The following RNF220 variants were observed in gnomAD, a reference collection of about 807,000 sequenced individuals.
The protein encoded by RNF220 is E3 ubiquitin-protein ligase RNF220.
A neutral mutation model predicts 67.1 loss-of-function variants in RNF220; 7 were observed. That is an observed-to-expected ratio of 0.10 (90% CI 0.06 to 0.20). RNF220 has a LOEUF of 0.20. RNF220 is among the 10% of genes least tolerant of loss of function. The pLI, the probability that RNF220 is intolerant of heterozygous loss-of-function variation, is 1.00. For synonymous variants in RNF220, 270 were observed against 283.2 expected, an observed-to-expected ratio of 0.95 and a Z score of 0.47; for missense variants, 565 against 740.3, an observed-to-expected ratio of 0.76 and a Z score of 2.75.
chr1:44,632,363 C>T lies in RNF220; in HGVS notation c.927C>T (p.Ala309=), dbSNP rs1162396458. The T allele has an allele frequency of 6.2e-7, 1 of 1,613,848 alleles. No homozygotes were observed. The highest frequency in any genetic ancestry group is 8.5e-7 in the Non-Finnish European group (1 of 1,180,008). The stretch of plus-strand genomic sequence containing the variant: ...CCCAGACCTTTCTGCGAGTACGAGC[C>T]AACCGGCAGACCCGACTGAATGGTG... ...DRYQTFLRVR[A]NRQTRLNARI... Residue 309 remains alanine, a synonymous_variant, in exon 6 of 15, where the codon GCC becomes GCT. Transcript: ENST00000361799.
chr1:44,622,609 G>C lies in RNF220; in HGVS notation c.759-133G>C. ...GGGCCACTGGGATTGAAAGGACTGG[G>C]TGGAGCTTGGCTGAGCTGGGCTGGG... On this transcript the variant is annotated intron_variant, in intron 3 of 14. Transcript: ENST00000361799. This position sits in a 1 kb window ranked among gnomAD's most constrained non-coding sequence, Gnocchi z 4.3. 2.7e-6 allele frequency: 2 copies of C among 727,362 alleles called. No homozygotes were observed. Among genetic ancestry groups the C allele is most frequent in the East Asian group, 5.2e-5 (2 of 38,246 alleles). The allele number at this position is 727,362 out of a possible 1,614,324, so 45.1% of individuals were successfully genotyped here.
Position 44,520,128 on chromosome 1 carries a change from T to TGTGTGTGTGTGTGTGTGA in RNF220, c.626-94036_626-94035insTGTGTGTGTGTGTGTGAG, listed in dbSNP as rs796131470. ...GTGTGTGTGTGTGTGTGTGTGTGTG[T>TGTGTGTGTGTGTGTGTGA]GAGAGAGAGAGAGAGAGAAAGAGAG... is the stretch of plus-strand genomic sequence containing the variant. On this transcript the variant is annotated intron_variant, in intron 2 of 14. Coordinates refer to ENST00000361799, the MANE Select transcript of RNF220 (RefSeq NM_018150.4). Among the ~76,000 whole-genome samples, 7 of 113,372 alleles carry TGTGTGTGTGTGTGTGTGA rather than the reference T, an allele frequency of 6.2e-5. 1 individual carries two copies. The highest frequency in any genetic ancestry group is 1.1e-4 in the Non-Finnish European group (6 of 54,822). 74.4% of individuals were successfully genotyped at this position (113,372 alleles called of 152,430 possible). A position where few individuals can be genotyped will look rare whatever the true frequency, so the allele number is the denominator to read the frequency against.
chr1:44,413,994 G>A (rs181240076), intron 2 of RNF220, among the ~76,000 whole-genome samples: 14 of 152,282 alleles, frequency 9.2e-5, no homozygotes, highest in African/African-American at 2.6e-4. Context: ...TAAATCCATC[G>A]CTCTTTGGTT....
chr1:44,439,410 C>G (rs1221712715), intron 2 of RNF220, among the ~76,000 whole-genome samples: 3 of 151,616 alleles, frequency 2.0e-5, no homozygotes, highest in Non-Finnish European at 2.9e-5. Flanking sequence ...TTTAAGAGCT[C>G]TTTTTAATAG....
chr1:44,581,816 C>T (rs1425310916), intron 2 of RNF220, among the ~76,000 whole-genome samples: 1 of 152,182 alleles, frequency 6.6e-6, no homozygotes, highest in Non-Finnish European at 1.5e-5. Context: ...AGGACCCAAG[C>T]CTGCTCTTCT....
rs1463917357 is a variant in RNF220 at position 44,417,638 on chromosome 1, G to A, written c.625+4916G>A. 2.0e-5 allele frequency among the ~76,000 whole-genome samples: 3 copies of A among 152,112 alleles called. No homozygotes were observed. Among genetic ancestry groups the A allele is most frequent in the Non-Finnish European group, 2.9e-5 (2 of 68,012 alleles). ...CAGCCGTCCTCCCTCCTCGCCCCGC[G>A]CCCTCCCTCCCATCAATTGTCATGC... On this transcript the variant is annotated intron_variant, in intron 2 of 14. Coordinates refer to ENST00000361799, the MANE Select transcript of RNF220 (RefSeq NM_018150.4). This position sits in a 1 kb window ranked among gnomAD's most constrained non-coding sequence, Gnocchi z 4.0.
intron 2 of RNF220, among the ~76,000 whole-genome samples, chr1:44,602,030 A>C (rs1457202643): frequency 6.6e-6 from 1 of 152,138 alleles, no homozygotes; most frequent in Non-Finnish European, 1.5e-5. Flanking sequence ...AGTTGGGAGA[A>C]GGGAAGAGGG....
At chr1:44,559,483 A>C (rs1389287727) in intron 2 of RNF220, among the ~76,000 whole-genome samples, 1 of 152,264 alleles carries the variant, frequency 6.6e-6, no homozygotes, top group Non-Finnish European at 1.5e-5. Flanking sequence ...CGGCTTATTG[A>C]AATGTTCATT....
intron 2 of RNF220, among the ~76,000 whole-genome samples, chr1:44,558,758 A>G (rs1159847507): frequency 6.6e-6 from 1 of 152,176 alleles, no homozygotes; most frequent in Non-Finnish European, 1.5e-5. Context: ...ACCACCTTAC[A>G]TGATCTCAAC....
At chr1:44,520,676 T>C (rs1464099165) in intron 2 of RNF220, among the ~76,000 whole-genome samples, 1 of 152,204 alleles carries the variant, frequency 6.6e-6, no homozygotes, top group Non-Finnish European at 1.5e-5. Flanking sequence ...ACAGTTTCAT[T>C]CTCTAGGCTG....
intron 2 of RNF220, among the ~76,000 whole-genome samples, chr1:44,579,323 G>A (rs1211856826): frequency 6.6e-6 from 1 of 152,198 alleles, no homozygotes; most frequent in Non-Finnish European, 1.5e-5. Flanking sequence ...CTCAGACCCA[G>A]ACTACCGAGG....
chr1:44,598,650 C>G (rs1457750694), intron 2 of RNF220, among the ~76,000 whole-genome samples: 1 of 141,704 alleles, frequency 7.1e-6, no homozygotes, highest in East Asian at 2.8e-4. Context: ...TCTAGGAGCA[C>G]GTGACTGGCC....
intron 2 of RNF220, among the ~76,000 whole-genome samples, chr1:44,584,084 A>G (rs1368948285): frequency 6.6e-6 from 1 of 152,222 alleles, no homozygotes; most frequent in Non-Finnish European, 1.5e-5. Flanking sequence ...AGAGGCTCAG[A>G]GAGGTTAAAT....
At chr1:44,587,092 T>C (rs74226364) in intron 2 of RNF220, among the ~76,000 whole-genome samples, 4 of 148,204 alleles carry the variant, frequency 2.7e-5, no homozygotes, top group African/African-American at 1.0e-4. Context: ...CTGTTTTTTT[T>C]AAAGTTGGTG....
intron 2 of RNF220, among the ~76,000 whole-genome samples, chr1:44,503,003 A>G (rs538589665): frequency 1.4e-3 from 218 of 152,096 alleles, no homozygotes; most frequent in African/African-American, 5.1e-3. Flanking sequence ...TTAAGATTTC[A>G]TTGATATTTT....
At chr1:44,558,982 T>G (rs753684345) in intron 2 of RNF220, among the ~76,000 whole-genome samples, 6 of 152,216 alleles carry the variant, frequency 3.9e-5, no homozygotes, top group Non-Finnish European at 7.4e-5. Flanking sequence ...AGGCAATTGT[T>G]TGTGTAATGT....
At chr1:44,429,170 TA>T (rs34890233) in intron 2 of RNF220, among the ~76,000 whole-genome samples, 44,241 of 150,184 alleles carry the variant, frequency 0.29, 7,935 homozygotes, top group Non-Finnish European at 0.4. Context: ...AACACTAGCT[TA>T]AAAAAAAAGC....
intron 2 of RNF220, among the ~76,000 whole-genome samples, chr1:44,451,118 G>T (rs575771620): frequency 6.6e-6 from 1 of 152,152 alleles, no homozygotes; most frequent in Non-Finnish European, 1.5e-5. Context: ...GGGAGGTGGA[G>T]GTTGCAGTGA....
intron 2 of RNF220, among the ~76,000 whole-genome samples, chr1:44,469,079 A>G (rs546057830): frequency 2.6e-5 from 4 of 152,344 alleles, no homozygotes; most frequent in African/African-American, 9.6e-5. Context: ...GGTAAAGGAT[A>G]TGAGAACTCA....
Sources: gnomAD v4.1 joint callset for allele counts (sites outside exome capture counted in the v4.1 genomes callset) on GRCh38, gnomAD v4.1.1 for gene constraint, Gnocchi (gnomAD v3.1) non-coding constraint, MANE v1.5 for transcripts, NCBI Gene and HGNC (gene_info 2026-07-23, HGNC 2026-07-21) for gene names.